SPOCK3: variants seen among roughly 807,000 people sequenced by gnomAD.
The protein encoded by SPOCK3 is testican-3.
Under a neutral mutation model 56.6 loss-of-function variants are expected in SPOCK3, and 30 were observed. The observed-to-expected ratio is 0.53, with a 90% CI of 0.40 to 0.72. The LOEUF (loss-of-function observed/expected upper bound fraction) is 0.72. Among genes scored for constraint, SPOCK3 ranks in the 30% least tolerant of loss-of-function variants. The pLI is 0.00. For missense variants in SPOCK3, 527 were observed against 530.0 expected, an observed-to-expected ratio of 0.99 and a Z score of 0.06; for synonymous variants, 196 against 183.3, an observed-to-expected ratio of 1.07 and a Z score of -0.56.
chr4:167,032,962 A>G (rs1752414678), intron 3 of SPOCK3, among the ~76,000 whole-genome samples: 1 of 151,962 alleles, frequency 6.6e-6, no homozygotes, highest in Admixed American at 6.6e-5. Flanking sequence ...GCTACATATA[A>G]ACATGAATTC....
chr4:166,841,722 A>C (rs1389338604), intron 6 of SPOCK3, among the ~76,000 whole-genome samples: 9 of 152,216 alleles, frequency 5.9e-5, no homozygotes, highest in African/African-American at 2.2e-4. Context: ...TGGAAGGCAG[A>C]ATTCTAAGAA....
chr4:167,073,833 T>C (rs1422921888), intron 2 of SPOCK3, among the ~76,000 whole-genome samples: 2 of 151,930 alleles, frequency 1.3e-5, no homozygotes, highest in African/African-American at 4.8e-5. Flanking sequence ...ATCTTTGAAC[T>C]AAAATATGAT....
rs541409559 is a variant in SPOCK3, at chr4:167,083,385, A to C, written c.190-20848T>G. 3.4e-3 allele frequency: 2,531 copies of C among 750,968 alleles called. 7 individuals are homozygous for C. Among genetic ancestry groups the C allele is most frequent in the Non-Finnish European group, 5.1e-3 (2,066 of 408,298 alleles). 46.5% of individuals were successfully genotyped at this position (750,968 alleles called of 1,614,324 possible). ...GTGAATAACGAATTCAACTTGCTCA[A>C]CTCTAAGTGTCCCTGTGGCTGGATG... On this transcript the variant is annotated intron_variant, in intron 2 of 10. Transcript: ENST00000357545.
At chr4:166,750,218 T>G (rs1226074639) in intron 8 of SPOCK3, among the ~76,000 whole-genome samples, 3 of 152,310 alleles carry the variant, frequency 2.0e-5, no homozygotes, top group African/African-American at 7.2e-5. Flanking sequence ...TAGGTATTCT[T>G]AGAGCACTTA....
At chr4:167,062,424 A>G (rs1755699354) in intron 3 of SPOCK3, 68 bp downstream of exon 3, 11 of 1,266,062 alleles carry the variant, frequency 8.7e-6, no homozygotes, top group Admixed American at 3.7e-5. Flanking sequence ...GACAGTAAAT[A>G]TCATTTCTAA....
chr4:166,792,338 G>A (rs774778145), intron 6 of SPOCK3, 49 bp from the exon 7 acceptor site: 13 of 1,599,742 alleles, frequency 8.1e-6, no homozygotes, highest in South Asian at 1.1e-5. Context: ...TTAGTATAAT[G>A]TTAGTGCTAT....
chr4:167,051,987 GC>G lies in SPOCK3; in HGVS notation c.235+10504del, dbSNP rs566807150. On this transcript the variant is annotated intron_variant, in intron 3 of 10. Transcript: ENST00000357545. ...AGGAAACGGAAAATAGATATAATTT[GC>G]CTTCTTGCACACCTATGTAGGCTAA... Among the ~76,000 whole-genome samples the G allele has an allele frequency of 3.5e-4, 53 of 152,262 alleles. 2 individuals carry two copies. The South Asian group carries it at 8.9e-3, about 26-fold the overall frequency.
intron 2 of SPOCK3, among the ~76,000 whole-genome samples, chr4:167,131,827 G>A (rs1580388888): frequency 2.6e-5 from 4 of 152,240 alleles, no homozygotes; most frequent in Admixed American, 2.6e-4. Context: ...GAGAAATTAT[G>A]AGAAACAGAA....
chr4:166,869,728 C>A (rs1012320851), intron 6 of SPOCK3, among the ~76,000 whole-genome samples: 1 of 151,520 alleles, frequency 6.6e-6, no homozygotes, highest in African/African-American at 2.4e-5. Flanking sequence ...CCTGAAGAAA[C>A]TGGAAAACAC....
intron 6 of SPOCK3, among the ~76,000 whole-genome samples, chr4:166,851,207 G>C (rs567402854): frequency 9.1e-4 from 138 of 152,242 alleles, no homozygotes; most frequent in Middle Eastern, 3.4e-3. Flanking sequence ...AGCAGGGGCA[G>C]ACTGACACCT....
rs371713092 is a variant in SPOCK3, at chr4:166,827,907, T to C, written c.590-35618A>G. ...CCACATTATGAGGACATATGCTAAA[T>C]ATGCCTCATATATTACAGAGCATCT... On this transcript the variant is annotated intron_variant, in intron 6 of 10. Transcript: ENST00000357545. Among the ~76,000 whole-genome samples, 34 of 151,914 alleles carry C rather than the reference T, an allele frequency of 2.2e-4. No homozygotes were observed. The South Asian group carries it at 6.9e-3, about 31-fold the overall frequency.
At chr4:166,930,092 A>G (rs985305367) in intron 4 of SPOCK3, among the ~76,000 whole-genome samples, 2 of 152,128 alleles carry the variant, frequency 1.3e-5, no homozygotes, top group African/African-American at 4.8e-5. Flanking sequence ...TTAATTCTAT[A>G]TACTATTTTT....
intron 2 of SPOCK3, among the ~76,000 whole-genome samples, chr4:167,151,825 C>A (rs1207604559): frequency 6.6e-6 from 1 of 152,170 alleles, no homozygotes; most frequent in African/African-American, 2.4e-5. Flanking sequence ...TCTTAAATAT[C>A]TTTCCTCTAA....
At chr4:167,168,900 G>T (rs1730243012) in intron 2 of SPOCK3, among the ~76,000 whole-genome samples, 1 of 152,094 alleles carries the variant, frequency 6.6e-6, no homozygotes, top group South Asian at 2.1e-4. Flanking sequence ...CTAGGGACTT[G>T]GTGTCCTAAG....
intron 7 of SPOCK3, among the ~76,000 whole-genome samples, chr4:166,763,635 T>C (rs982323517): frequency 1.3e-5 from 2 of 152,228 alleles, no homozygotes; most frequent in African/African-American, 2.4e-5. Context: ...ATGAAACTAA[T>C]AGCACAAAAT....
At chr4:166,963,808 C>G (rs1425551985) in intron 4 of SPOCK3, among the ~76,000 whole-genome samples, 1 of 151,826 alleles carries the variant, frequency 6.6e-6, no homozygotes, top group Non-Finnish European at 1.5e-5. Flanking sequence ...ATCCCAATGT[C>G]AGATTTTATT....
chr4:167,000,469 A>C lies in SPOCK3; in HGVS notation c.236-6T>G, dbSNP rs1039393138. The C allele has an allele frequency of 2.8e-6, 4 of 1,437,084 alleles. No individual in the cohort carries two copies. The African/African-American group carries it at 4.3e-5, about 15-fold the overall frequency. 89.0% of individuals were successfully genotyped at this position (1,437,084 alleles called of 1,614,324 possible). On this transcript the variant is annotated splice_polypyrimidine_tract_variant and splice_region_variant and intron_variant, in intron 3 of 10. Transcript: ENST00000357545. ...ATCCTTAGCTGGATCTAAAGCTAAA[A>C]AAATTGCAAAGAAAATATTAAAATA...
chr4:167,030,528 GACAT>G (rs1268127364), intron 3 of SPOCK3, among the ~76,000 whole-genome samples: 1 of 151,858 alleles, frequency 6.6e-6, no homozygotes, highest in African/African-American at 2.4e-5. Context: ...GCAAGAAAAT[GACAT>G]TCTGTAGCAA....
intron 4 of SPOCK3, among the ~76,000 whole-genome samples, chr4:166,960,850 T>G (rs1047249053): frequency 1.3e-5 from 2 of 150,896 alleles, no homozygotes; most frequent in African/African-American, 5.0e-5. Context: ...TTCAGGGAAC[T>G]GGGAACTGAA....
Sources: allele counts gnomAD v4.1 joint callset (sites outside exome capture counted in the v4.1 genomes callset), GRCh38; gene constraint gnomAD v4.1.1; transcripts MANE v1.5; gene names NCBI Gene and HGNC (gene_info 2026-07-23, HGNC 2026-07-21).